The following ERC1 variants were observed in gnomAD, a reference collection of about 807,000 sequenced individuals.
ERC1 encodes ELKS/RAB6-interacting/CAST family member 1, also known as RAB6 interacting protein 2.
Under a neutral mutation model 132.0 loss-of-function variants are expected in ERC1, and 56 were observed. That is an observed-to-expected ratio of 0.42 (90% CI 0.34 to 0.53). The LOEUF (loss-of-function observed/expected upper bound fraction) is 0.53, where lower values mean the gene tolerates loss of function less well. ERC1 is among the 20% of genes least tolerant of loss of function. The pLI is 0.03. For missense variants in ERC1, 1,202 were observed against 1,349.9 expected, an observed-to-expected ratio of 0.89 and a Z score of 1.72; for synonymous variants, 478 against 476.1, an observed-to-expected ratio of 1.00 and a Z score of -0.05.
At position 1,345,215 on chromosome 12, in the gene ERC1, C is replaced by G. The variant is rs1451668852; in HGVS notation, c.2781-26618C>G. On this transcript the variant is annotated intron_variant, in intron 15 of 18. Coordinates refer to ENST00000360905, the MANE Select transcript of ERC1 (RefSeq NM_178040.4). ...TTTTTTTTTGAGACGGAGTCTCACT[C>G]TGTCGCCCAGGCTGGAGTGCAGTGG... 6.9e-5 allele frequency among the ~76,000 whole-genome samples: 9 copies of G among 130,986 alleles called. No individual in the cohort carries two copies. In the South Asian group the frequency reaches 9.3e-4, roughly 14 times the overall value. 85.9% of individuals were successfully genotyped at this position (130,986 alleles called of 152,430 possible). A position where few individuals can be genotyped will look rare whatever the true frequency, so the allele number is the denominator to read the frequency against.
chr12:1,337,649 C>G (rs765084850), intron 15 of ERC1, among the ~76,000 whole-genome samples: 2 of 152,174 alleles, frequency 1.3e-5, no homozygotes, highest in African/African-American at 2.4e-5. Flanking sequence ...AGTGTGTTTA[C>G]TTAAATGCGT....
intron 2 of ERC1, among the ~76,000 whole-genome samples, chr12:1,051,738 C>T (rs113205758): frequency 2.0e-5 from 3 of 152,196 alleles, no homozygotes; most frequent in African/African-American, 7.2e-5. Flanking sequence ...GAATGAAAAA[C>T]ACCACAGTGA....
intron 15 of ERC1, among the ~76,000 whole-genome samples, chr12:1,312,676 A>G (rs879297877): frequency 6.6e-6 from 1 of 152,196 alleles, no homozygotes; most frequent in African/African-American, 2.4e-5. Context: ...TTTTTTTTAC[A>G]TATAGACATT....
At chr12:1,461,974 G>A (rs1020877272) in intron 18 of ERC1, among the ~76,000 whole-genome samples, 2 of 152,002 alleles carry the variant, frequency 1.3e-5, no homozygotes, top group Middle Eastern at 3.2e-3. Context: ...CTTGTATTGA[G>A]AAGATATTTT....
At chr12:1,368,877 T>C (rs1260483876) in intron 15 of ERC1, among the ~76,000 whole-genome samples, 1 of 152,230 alleles carries the variant, frequency 6.6e-6, no homozygotes, top group African/African-American at 2.4e-5. Flanking sequence ...TTTATTCTCT[T>C]GACTATGAAT....
At chr12:1,196,554 C>T (rs186190984) in intron 12 of ERC1, among the ~76,000 whole-genome samples, 102 of 147,704 alleles carry the variant, frequency 6.9e-4, no homozygotes, top group Middle Eastern at 3.6e-3. Context: ...AGTGTAGTGG[C>T]GTGATGACAG....
At chr12:1,114,468 A>G (rs976416106) in intron 6 of ERC1, among the ~76,000 whole-genome samples, 14 of 140,680 alleles carry the variant, frequency 1.0e-4, no homozygotes, top group African/African-American at 2.5e-4. Flanking sequence ...AGGTAGCTGG[A>G]AATTTGAATA....
intron 15 of ERC1, among the ~76,000 whole-genome samples, chr12:1,341,622 G>A (rs1291205064): frequency 6.7e-6 from 1 of 150,288 alleles, no homozygotes; most frequent in East Asian, 2.0e-4. Context: ...GAGAACACAT[G>A]GACACAGGGA....
intron 8 of ERC1, among the ~76,000 whole-genome samples, chr12:1,168,546 G>A (rs954779542): frequency 2.7e-5 from 4 of 147,642 alleles, no homozygotes; most frequent in Non-Finnish European, 4.4e-5. Context: ...GTGCAATGGC[G>A]CAATCTTAGC....
intron 8 of ERC1, among the ~76,000 whole-genome samples, chr12:1,162,412 C>G (rs1951962398): frequency 1.3e-5 from 2 of 151,546 alleles, no homozygotes; most frequent in African/African-American, 2.4e-5. Context: ...TACACAGATG[C>G]TATCAACATT....
intron 11 of ERC1, 21 bp from the exon 12 acceptor site, chr12:1,189,838 T>C: frequency 6.3e-7 from 1 of 1,576,808 alleles, no homozygotes; most frequent in African/African-American, 1.4e-5. Flanking sequence ...TCTGATAGGA[T>C]TGAAATGCTT....
chr12:1,007,436 G>A (rs565228298), intron 1 of ERC1, among the ~76,000 whole-genome samples: 15 of 150,208 alleles, frequency 1.0e-4, no homozygotes, highest in Non-Finnish European at 1.8e-4. Context: ...AGAGTTAAAA[G>A]CTTTAACAGG....
chr12:1,347,929 G>A (rs556800342), intron 15 of ERC1, among the ~76,000 whole-genome samples: 1 of 152,192 alleles, frequency 6.6e-6, no homozygotes, highest in Non-Finnish European at 1.5e-5. Context: ...GTTGCAGTGA[G>A]CAGAGATGGC....
chr12:1,091,227 C>A (rs1460251148), intron 3 of ERC1, among the ~76,000 whole-genome samples: 1 of 151,992 alleles, frequency 6.6e-6, no homozygotes, highest in African/African-American at 2.4e-5. Context: ...TTATTTGTTT[C>A]TTTTTTTATC....
At chr12:1,439,434 A>G (rs2093040856) in intron 17 of ERC1, among the ~76,000 whole-genome samples, 1 of 152,236 alleles carries the variant, frequency 6.6e-6, no homozygotes, top group Non-Finnish European at 1.5e-5. Context: ...AGCCTGTTTG[A>G]GAATCTAATA....
intron 18 of ERC1, among the ~76,000 whole-genome samples, chr12:1,484,371 A>T (rs924167211): frequency 3.3e-5 from 5 of 152,082 alleles, no homozygotes; most frequent in Non-Finnish European, 5.9e-5. Context: ...ACGTTCTTAA[A>T]TTTCTTACTG....
At chr12:1,266,952 G>A (rs552462415) in intron 14 of ERC1, among the ~76,000 whole-genome samples, 1 of 152,212 alleles carries the variant, frequency 6.6e-6, no homozygotes, top group Admixed American at 6.5e-5. Flanking sequence ...AAGTAAAATT[G>A]TATGGGAGCC....
chr12:1,418,621 TTCTTTC>T (rs2092264723), intron 17 of ERC1, among the ~76,000 whole-genome samples: 1 of 118,660 alleles, frequency 8.4e-6, no homozygotes, highest in African/African-American at 5.0e-5. Context: ...CTTTCTTTCT[TTCTTTC>T]TTTCTTTCTT....
chr12:1,314,620 T>A (rs2081560737), intron 15 of ERC1, among the ~76,000 whole-genome samples: 1 of 152,234 alleles, frequency 6.6e-6, no homozygotes, highest in Non-Finnish European at 1.5e-5. Context: ...TAAGGTATTT[T>A]TAACTCCAGC....
Sources: allele counts gnomAD v4.1 joint callset (sites outside exome capture counted in the v4.1 genomes callset), GRCh38; gene constraint gnomAD v4.1.1; transcripts MANE v1.5; gene names NCBI Gene and HGNC (gene_info 2026-07-23, HGNC 2026-07-21).